TMEM179: variants seen among roughly 807,000 people sequenced by gnomAD.
TMEM179 encodes the protein transmembrane protein 179A.
In TMEM179, 17 loss-of-function variants were observed where a neutral mutation model predicts 22.2. That is an observed-to-expected ratio of 0.77 (90% CI 0.52 to 1.15). TMEM179 has a LOEUF of 1.15. Ranked by LOEUF, TMEM179 falls within the 50% of genes most tolerant of loss-of-function variation. TMEM179 has a pLI of 0.00. For synonymous variants in TMEM179, 127 were observed against 140.5 expected, an observed-to-expected ratio of 0.90 and a Z score of 0.68; for missense variants, 265 against 313.6, an observed-to-expected ratio of 0.84 and a Z score of 1.17.
In TMEM179 at chr14:104,597,371, C is replaced by A. The variant is rs1229962318; in HGVS notation, c.306-244G>T. On this transcript the variant is annotated intron_variant, in intron 1 of 3. Transcript: ENST00000556573. This position sits in a 1 kb window ranked among gnomAD's most constrained non-coding sequence, Gnocchi z 4.8. The stretch of plus-strand genomic sequence containing the variant: ...CGTGTGCCCACCCTGGGCTGCAGGT[C>A]ACACCTTCCCAAAGACCCAGGACCT... Among the ~76,000 whole-genome samples the A allele has an allele frequency of 6.6e-6, 1 of 152,134 alleles. No homozygotes were observed. Among genetic ancestry groups the A allele is most frequent in the East Asian group, 1.9e-4 (1 of 5,180 alleles).
In TMEM179 at chr14:104,593,401, C is replaced by T. The variant is rs1369733917; in HGVS notation, c.*78G>A. 3.3e-6 allele frequency: 5 copies of T among 1,510,768 alleles called. No individual in the cohort carries two copies. The highest frequency in any genetic ancestry group is 4.4e-6 in the Non-Finnish European group (5 of 1,127,300). 93.6% of individuals were successfully genotyped at this position (1,510,768 alleles called of 1,614,324 possible). On this transcript the variant is annotated 3_prime_UTR_variant, in exon 4 of 4. Transcript: ENST00000556573. ...TGGCCAGGGCCCAGGCAGAGCCCCC[C>T]AGCTGCTTCCCCAGGCAGGCCCGTG...
In TMEM179 at chr14:104,593,643, A is replaced by G; in HGVS notation, c.538T>C (p.Ser180Pro). 2 of 1,479,650 alleles carry G rather than the reference A, an allele frequency of 1.4e-6. No homozygotes were observed. Among genetic ancestry groups the G allele is most frequent in the Non-Finnish European group, 1.8e-6 (2 of 1,115,680 alleles). The allele number at this position is 1,479,650 out of a possible 1,614,324, so 91.7% of individuals were successfully genotyped here. A position where few individuals can be genotyped will look rare whatever the true frequency, so the allele number is the denominator to read the frequency against. ...GTGATGGCCAGCCAGGCCAGCCATGAGGCCCAGAGGCCAAACTGCACAGAG... is the reference window on the plus strand; with the variant it reads ...GTGATGGCCAGCCAGGCCAGCCATGGGGCCCAGAGGCCAAACTGCACAGAG... The part of the protein sequence containing the change: ...FAIAQFGLWA[S>P]WLAWLAITTL... Residue 180 changes from serine (S) to proline (P), a missense_variant, in exon 4 of 4, where the codon TCA becomes CCA. Ser to Pro is a moderately conservative substitution (Grantham distance 74). Coordinates refer to ENST00000556573, the MANE Select transcript of TMEM179 (RefSeq NM_001286389.2).
At chr14:104,594,664 A>C in intron 3 of TMEM179, 2 of 1,209,172 alleles carry the variant, frequency 1.7e-6, no homozygotes. Flanking sequence ...CGCAGCTTAT[A>C]CAAGGGCAGG....
intron 1 of TMEM179, among the ~76,000 whole-genome samples, chr14:104,598,351 T>C (rs1173939811): frequency 6.6e-6 from 1 of 152,206 alleles, no homozygotes; most frequent in Non-Finnish European, 1.5e-5. Flanking sequence ...GCAGGCTCGA[T>C]GTTAGCCTGC....
In TMEM179 at chr14:104,592,677, C is replaced by G. The variant is rs1315336623; in HGVS notation, c.*802G>C. Among the ~76,000 whole-genome samples, 4 of 152,194 alleles carry G rather than the reference C, an allele frequency of 2.6e-5. No homozygotes were observed. Among genetic ancestry groups the G allele is most frequent in the Non-Finnish European group, 5.9e-5 (4 of 68,040 alleles). On this transcript the variant is annotated 3_prime_UTR_variant, in exon 4 of 4. Transcript: ENST00000556573. ...CCTCTCATGCACTCATATACACAATCACACCCTCCCATGCACAAAGGCACT... is the reference window on the plus strand; with the variant it reads ...CCTCTCATGCACTCATATACACAATGACACCCTCCCATGCACAAAGGCACT...
At position 104,593,368 on chromosome 14, in the gene TMEM179, G is replaced by T; in HGVS notation, c.*111C>A. 7.6e-7 allele frequency: 1 copy of T among 1,322,084 alleles called. No individual in the cohort carries two copies. The highest frequency in any genetic ancestry group is 1.0e-6 in the Non-Finnish European group (1 of 959,474). 81.9% of individuals were successfully genotyped at this position (1,322,084 alleles called of 1,614,324 possible). On this transcript the variant is annotated 3_prime_UTR_variant, in exon 4 of 4. Transcript: ENST00000556573. ...GTGGCGTCGAGGGGACACACGCAGG[G>T]CTGCATGTGGCCAGGGCCCAGGCAG...
At chr14:104,601,577 G>A (rs989785773) in intron 1 of TMEM179, among the ~76,000 whole-genome samples, 2 of 151,994 alleles carry the variant, frequency 1.3e-5, no homozygotes. Context: ...CCCACAAGCC[G>A]TCTGCCAATG....
intron 1 of TMEM179, among the ~76,000 whole-genome samples, chr14:104,599,536 C>A (rs530591553): frequency 2.6e-5 from 4 of 152,334 alleles, no homozygotes; most frequent in East Asian, 3.9e-4. Flanking sequence ...GCTGCTGGGA[C>A]CCTGAGGACA....
intron 1 of TMEM179, among the ~76,000 whole-genome samples, chr14:104,603,843 G>C (rs189733395): frequency 3.3e-5 from 5 of 152,332 alleles, no homozygotes; most frequent in Non-Finnish European, 7.4e-5. Context: ...AGAGAAAGAG[G>C]AAAATGCAGG....
chr14:104,593,155 C>T lies in TMEM179; in HGVS notation c.*324G>A. ...AGGGTTGGGGGAGACAAGCTGGACGCCCTCCACATAGGCTGGCCAGTCAGG... is the reference window on the plus strand; with the variant it reads ...AGGGTTGGGGGAGACAAGCTGGACGTCCTCCACATAGGCTGGCCAGTCAGG... On this transcript the variant is annotated 3_prime_UTR_variant, in exon 4 of 4. Coordinates refer to ENST00000556573, the MANE Select transcript of TMEM179 (RefSeq NM_001286389.2). The T allele has an allele frequency of 2.4e-6, 1 of 412,752 alleles. No homozygotes were observed. Among genetic ancestry groups the T allele is most frequent in the Non-Finnish European group, 4.4e-6 (1 of 229,080 alleles). The allele number at this position is 412,752 out of a possible 1,614,324, so 25.6% of individuals were successfully genotyped here.
Position 104,593,223 on chromosome 14 carries a change from T to G in TMEM179, c.*256A>C. 3 of 546,068 alleles carry G rather than the reference T, an allele frequency of 5.5e-6. No homozygotes were observed. Among genetic ancestry groups the G allele is most frequent in the Non-Finnish European group, 9.7e-6 (3 of 309,650 alleles). The allele number at this position is 546,068 out of a possible 1,614,324, so 33.8% of individuals were successfully genotyped here. On this transcript the variant is annotated 3_prime_UTR_variant, in exon 4 of 4. Transcript: ENST00000556573. ...AGGGGCCCTGTGCGAGGCCTGGAGG[T>G]GCCCCCCGCCCCCGCCCCACACCCA... is the stretch of plus-strand genomic sequence containing the variant.
Position 104,593,150 on chromosome 14 carries a change from G to C in TMEM179, c.*329C>G, listed in dbSNP as rs890255224. ...CGGCCAGGGTTGGGGGAGACAAGCT[G>C]GACGCCCTCCACATAGGCTGGCCAG... On this transcript the variant is annotated 3_prime_UTR_variant, in exon 4 of 4. Transcript: ENST00000556573. 1 of 403,686 alleles carries C rather than the reference G, an allele frequency of 2.5e-6. No homozygotes were observed. Among genetic ancestry groups the C allele is most frequent in the Non-Finnish European group, 4.5e-6 (1 of 223,488 alleles). The allele number at this position is 403,686 out of a possible 1,614,324, so 25.0% of individuals were successfully genotyped here. A position where few individuals can be genotyped will look rare whatever the true frequency, so the allele number is the denominator to read the frequency against.
chr14:104,600,889 G>A (rs574664824), intron 1 of TMEM179, among the ~76,000 whole-genome samples: 15 of 152,338 alleles, frequency 9.8e-5, no homozygotes, highest in African/African-American at 2.6e-4. Context: ...GAGGGCAGCC[G>A]GGTGGCCCCT....
At position 104,593,435 on chromosome 14, in the gene TMEM179, C is replaced by A. The variant is rs775840600; in HGVS notation, c.*44G>T. Reference sequence around the variant, plus strand: ...CCCCAGGCAGGCCCGTGCCCCCGAGCGCAGCAGGGAGGTCGGGGCCAGCTC... The same window carrying A: ...CCCCAGGCAGGCCCGTGCCCCCGAGAGCAGCAGGGAGGTCGGGGCCAGCTC... On this transcript the variant is annotated 3_prime_UTR_variant, in exon 4 of 4. Coordinates refer to ENST00000556573, the MANE Select transcript of TMEM179 (RefSeq NM_001286389.2). The A allele has an allele frequency of 1.3e-6, 2 of 1,534,712 alleles. No homozygotes were observed. Among genetic ancestry groups the A allele is most frequent in the East Asian group, 2.4e-5 (1 of 40,896 alleles).
In TMEM179 at chr14:104,597,709, C is replaced by T. The variant is rs2140488586; in HGVS notation, c.306-582G>A. On this transcript the variant is annotated intron_variant, in intron 1 of 3. Transcript: ENST00000556573. This position sits in a 1 kb window ranked among gnomAD's most constrained non-coding sequence, Gnocchi z 4.8. Reference sequence around the variant, plus strand: ...GCAGGCATCGAACCTGGATCCCAGCCTGGATCGCAGACCTCTAGCCTCCGG... The same window carrying T: ...GCAGGCATCGAACCTGGATCCCAGCTTGGATCGCAGACCTCTAGCCTCCGG... 6.6e-6 allele frequency among the ~76,000 whole-genome samples: 1 copy of T among 152,290 alleles called. No homozygotes were observed. Among genetic ancestry groups the T allele is most frequent in the South Asian group, 2.1e-4 (1 of 4,820 alleles).
rs974282134 is a variant in TMEM179, at chr14:104,593,524, C to A, written c.657G>T (p.Pro219=). Residue 219 remains proline, a synonymous_variant, in exon 4 of 4, where the codon CCG becomes CCT. Transcript: ENST00000556573. ...CCTCTTGGAAGGAGGTGCGTGGGGA[C>A]GGCCGGGCCAGCAGCAGCTCCTTCT... The part of the protein sequence containing the change: ...IHEKELLLAR[P]SPRTSFQEEK... 7.2e-6 allele frequency: 11 copies of A among 1,535,666 alleles called. No homozygotes were observed. The highest frequency in any genetic ancestry group is 4.8e-5 in the South Asian group (4 of 84,020).
Position 104,593,715 on chromosome 14 carries a change from C to A in TMEM179, c.523-57G>T, listed in dbSNP as rs1301336626. The A allele has an allele frequency of 3.5e-6, 5 of 1,425,532 alleles. No individual in the cohort carries two copies. In the East Asian group the frequency reaches 1.3e-4, roughly 36 times the overall value. The allele number at this position is 1,425,532 out of a possible 1,614,324, so 88.3% of individuals were successfully genotyped here. A position where few individuals can be genotyped will look rare whatever the true frequency, so the allele number is the denominator to read the frequency against. ...CGTTGGGGGTCCGCTGTCAGTGCAA[C>A]CCCCTCCCACCAGCCCCCAGGCTCT... On this transcript the variant is annotated intron_variant, in intron 3 of 3. Coordinates refer to ENST00000556573, the MANE Select transcript of TMEM179 (RefSeq NM_001286389.2).
In TMEM179 at chr14:104,597,041, C is replaced by G; in HGVS notation, c.392G>C (p.Gly131Ala). Reference sequence around the variant, plus strand: ...GATGGTGTCGCACCACATGGTGAAGCCCACGCTCACGATGGTGCTGGCAAT... The same window carrying G: ...GATGGTGTCGCACCACATGGTGAAGGCCACGCTCACGATGGTGCTGGCAAT... ...VFIASTIVSV[G>A]FTMWCDTITE... The change falls in exon 2 of 4, where the codon GGC becomes GCC. Residue 131 changes from glycine to alanine, a missense_variant. By Grantham distance (60) the Gly-to-Ala change is moderately conservative (BLOSUM62 0). Transcript: ENST00000556573. The surrounding 1 kb of genome is among the most constrained non-coding windows in gnomAD (Gnocchi z 4.8). 1 of 1,610,176 alleles carries G rather than the reference C, an allele frequency of 6.2e-7. No individual in the cohort carries two copies. The highest frequency in any genetic ancestry group is 1.1e-5 in the South Asian group (1 of 90,244).
Position 104,604,524 on chromosome 14 carries a change from A to C in TMEM179, c.218T>G (p.Phe73Cys). 5 of 1,555,628 alleles carry C rather than the reference A, an allele frequency of 3.2e-6. No individual in the cohort carries two copies. Among genetic ancestry groups the C allele is most frequent in the Non-Finnish European group, 3.5e-6 (4 of 1,153,930 alleles). ...AGACAGGAGGCTGGCGAGCAGGCTG[A>C]AGCGGCAGGCGGCCGGCGGGCCCCA... ...QEWGPPAACRFSLLASLLSLL... is the reference protein window; with the variant it reads ...QEWGPPAACRCSLLASLLSLL... The change falls in exon 1 of 4, where the codon TTC becomes TGC. Residue 73 changes from phenylalanine (F) to cysteine (C), a missense_variant. By Grantham distance (205) the Phe-to-Cys change is radical. Coordinates refer to ENST00000556573, the MANE Select transcript of TMEM179 (RefSeq NM_001286389.2). The surrounding 1 kb of genome is among the most constrained non-coding windows in gnomAD (Gnocchi z 4.6).
Sources: allele counts gnomAD v4.1 joint callset (sites outside exome capture counted in the v4.1 genomes callset), GRCh38; gene constraint gnomAD v4.1.1; non-coding constraint Gnocchi (gnomAD v3.1); transcripts MANE v1.5; gene names NCBI Gene and HGNC (gene_info 2026-07-23, HGNC 2026-07-21).